The following UBXN11 variants were observed in gnomAD, a reference collection of about 807,000 sequenced individuals.
The protein encoded by UBXN11 is UBX domain protein 11.
In UBXN11, 47 loss-of-function variants were observed where a neutral mutation model predicts 62.8. The observed-to-expected ratio is 0.75, with a 90% CI of 0.59 to 0.95. The LOEUF (loss-of-function observed/expected upper bound fraction) is 0.95, where lower values mean the gene tolerates loss of function less well. UBXN11 is among the 40% of genes least tolerant of loss of function. The pLI is 0.00. For missense variants in UBXN11, 638 were observed against 661.7 expected, an observed-to-expected ratio of 0.96 and a Z score of 0.39; for synonymous variants, 294 against 267.0, an observed-to-expected ratio of 1.10 and a Z score of -0.99.
intron 4 of UBXN11, among the ~76,000 whole-genome samples, chr1:26,298,455 G>T (rs2124660946): frequency 6.6e-6 from 1 of 152,244 alleles, no homozygotes; most frequent in South Asian, 2.1e-4. Context: ...TACCCCACGG[G>T]CAAACTGCCA....
intron 8 of UBXN11, among the ~76,000 whole-genome samples, chr1:26,292,420 G>A (rs1015292887): frequency 3.0e-4 from 45 of 152,344 alleles, no homozygotes; most frequent in African/African-American, 1.1e-3. Flanking sequence ...TCAGACAGCT[G>A]AGGTGGGAGG....
intron 8 of UBXN11, among the ~76,000 whole-genome samples, chr1:26,289,007 T>C (rs923224750): frequency 1.3e-5 from 2 of 152,134 alleles, no homozygotes; most frequent in African/African-American, 4.8e-5. Context: ...CTCTGAGGCC[T>C]CATCCAACTT....
rs771249518 is a variant in UBXN11, at chr1:26,285,814, C to T, written c.774+9G>A. 16 of 1,586,782 alleles carry T rather than the reference C, an allele frequency of 1.0e-5. No individual in the cohort carries two copies. Among genetic ancestry groups the T allele is most frequent in the South Asian group, 5.6e-5 (5 of 89,508 alleles). ...ACTAGAGCACCACCCCCCCCAACAC[C>T]GCTCCTACCTGTGTGGAGGGATCGT... On this transcript the variant is annotated intron_variant, in intron 9 of 14. Transcript: ENST00000374222.
At chr1:26,310,503 A>C (rs1256945834), upstream of UBXN11, among the ~76,000 whole-genome samples, 1 of 149,954 alleles carries the variant, frequency 6.7e-6, no homozygotes, top group Non-Finnish European at 1.5e-5. Context: ...GCATCACTGC[A>C]CTCCAGCCTG....
At chr1:26,292,529 A>G (rs1464947859) in intron 8 of UBXN11, among the ~76,000 whole-genome samples, 1 of 151,780 alleles carries the variant, frequency 6.6e-6, no homozygotes, top group East Asian at 2.0e-4. Context: ...AAATAAAAAG[A>G]AAAATAAAGA....
At chr1:26,300,825 C>G in intron 4 of UBXN11, 101 bp downstream of exon 4, 1 of 1,569,238 alleles carries the variant, frequency 6.4e-7, no homozygotes, top group Admixed American at 1.9e-5. Context: ...TGCCTCAGAC[C>G]AAACAGGCGA....
At chr1:26,293,271 TGCCTGACTCTAGA>T (rs2073313973) in intron 8 of UBXN11, among the ~76,000 whole-genome samples, 1 of 152,124 alleles carries the variant, frequency 6.6e-6, no homozygotes, top group South Asian at 2.1e-4. Context: ...GGCCCAGGTG[TGCCTGACTCTAGA>T]GCCTGGAGAA....
At chr1:26,308,317 C>T (rs2073704256), upstream of UBXN11, among the ~76,000 whole-genome samples, 1 of 150,230 alleles carries the variant, frequency 6.7e-6, no homozygotes, top group African/African-American at 2.4e-5. Flanking sequence ...GATGAGAAAA[C>T]AAGCTCAGGG....
At chr1:26,302,299 G>T (rs1000826323) in intron 2 of UBXN11, among the ~76,000 whole-genome samples, 2 of 147,122 alleles carry the variant, frequency 1.4e-5, no homozygotes, top group Admixed American at 1.4e-4. Flanking sequence ...GGCACAGGTT[G>T]CAGTGAGCCA....
chr1:26,297,391 C>G, intron 6 of UBXN11, 36 bp downstream of exon 6: 1 of 1,504,278 alleles, frequency 6.6e-7, no homozygotes, highest in Non-Finnish European at 8.9e-7. Flanking sequence ...AGGTGCCTGA[C>G]TGGGGGCGCA....
intron 1 of UBXN11, among the ~76,000 whole-genome samples, chr1:26,304,230 G>A (rs2073607878): frequency 6.6e-6 from 1 of 152,180 alleles, no homozygotes; most frequent in Non-Finnish European, 1.5e-5. Flanking sequence ...CTTGGAAGGA[G>A]CCCTCCTCAA....
At chr1:26,309,544 AT>A (rs200544491), upstream of UBXN11, among the ~76,000 whole-genome samples, 13 of 152,010 alleles carry the variant, frequency 8.6e-5, no homozygotes, top group African/African-American at 2.4e-4. Flanking sequence ...TTCTGGTTTG[AT>A]TTTTTTTAAA....
chr1:26,310,765 C>A (rs1046042251), upstream of UBXN11, among the ~76,000 whole-genome samples: 10 of 142,960 alleles, frequency 7.0e-5, no homozygotes, highest in South Asian at 2.3e-4. Flanking sequence ...TTTTCAAAAA[C>A]AAAATTATAA....
intron 8 of UBXN11, among the ~76,000 whole-genome samples, chr1:26,287,966 ACAGT>A (rs2073170124): frequency 6.7e-6 from 1 of 148,946 alleles, no homozygotes; most frequent in South Asian, 2.1e-4. Context: ...GTATAGCGGC[ACAGT>A]CATGATACTG....
intron 7 of UBXN11, among the ~76,000 whole-genome samples, chr1:26,295,832 T>G (rs2073378866): frequency 6.6e-6 from 1 of 152,242 alleles, no homozygotes; most frequent in African/African-American, 2.4e-5. Context: ...TTGGTCATGC[T>G]CTGCCCCAGG....
chr1:26,304,269 A>C (rs1470186771), intron 1 of UBXN11, among the ~76,000 whole-genome samples: 1 of 151,874 alleles, frequency 6.6e-6, no homozygotes, highest in African/African-American at 2.4e-5. Context: ...CTTCACCCCC[A>C]GCATCCAGCC....
At chr1:26,285,385 T>C (rs763851667) in intron 10 of UBXN11, 79 bp downstream of exon 10, 20 of 1,564,158 alleles carry the variant, frequency 1.3e-5, no homozygotes, top group Middle Eastern at 2.1e-4. Context: ...CCCCTCAGAA[T>C]GGGAGGTGTC....
chr1:26,312,979 CAAAAAA>C (rs55777309), intron 1 of UBXN11, among the ~76,000 whole-genome samples: 55 of 48,146 alleles, frequency 1.1e-3, no homozygotes, highest in African/African-American at 3.2e-3. Flanking sequence ...AACTCTGTCT[CAAAAAA>C]AAAAAAAAAA....
chr1:26,285,799 C>T, intron 9 of UBXN11, 24 bp downstream of exon 9: 1 of 1,573,622 alleles, frequency 6.4e-7, no homozygotes, highest in South Asian at 1.1e-5. Flanking sequence ...ACTAGAGCAC[C>T]ACCCCCCCCA....
Sources: allele counts gnomAD v4.1 joint callset (sites outside exome capture counted in the v4.1 genomes callset), GRCh38; gene constraint gnomAD v4.1.1; transcripts MANE v1.5; gene names NCBI Gene and HGNC (gene_info 2026-07-23, HGNC 2026-07-21).